Variants in PCBP2 observed in about 807,000 individuals in gnomAD.
The protein encoded by PCBP2 is poly(rC) binding protein 2, also known as poly(rC)-binding protein 2.
In PCBP2, 4 loss-of-function variants were observed where a neutral mutation model predicts 50.1. The ratio of observed to expected loss-of-function variants is 0.08; its 90% CI spans 0.04 to 0.18. The LOEUF is 0.18. Among genes scored for constraint, PCBP2 ranks in the 10% least tolerant of loss-of-function variants. The pLI is 1.00. For synonymous variants in PCBP2, 179 were observed against 168.0 expected (o/e 1.07, Z -0.51); for missense variants, 161 against 474.3 (o/e 0.34, Z 6.14).
intron 8 of PCBP2, among the ~76,000 whole-genome samples, chr12:53,462,829 G>A (rs938232309): frequency 2.0e-5 from 3 of 152,108 alleles, no homozygotes; most frequent in Non-Finnish European, 4.4e-5. Context: ...TTGACTTACT[G>A]TCTCTACTTC....
intron 1 of PCBP2, chr12:53,452,999 A>G (rs1940687412): frequency 6.6e-6 from 1 of 152,058 alleles, no homozygotes; most frequent in Non-Finnish European, 1.5e-5. Context: ...AAATTACAAA[A>G]TGCCTGCCGA....
At chr12:53,460,610 T>C (rs774934148) in intron 6 of PCBP2, 7 of 216,756 alleles carry the variant, frequency 3.2e-5, no homozygotes, top group Non-Finnish European at 5.8e-5. Context: ...TTAATTGCTA[T>C]ATTCGAAGCA....
chr12:53,460,663 A>AT (rs1941391025), intron 6 of PCBP2: 1 of 231,018 alleles, frequency 4.3e-6, no homozygotes. Flanking sequence ...TGATGTAAAT[A>AT]TTTTTTCAGT....
intron 6 of PCBP2, chr12:53,460,642 T>G (rs778519783): frequency 4.3e-6 from 1 of 230,808 alleles, no homozygotes; most frequent in Non-Finnish European, 8.8e-6. Flanking sequence ...ACCTGGCACA[T>G]AGAATGGCCT....
chr12:53,477,065 T>A (rs768397762), intron 14 of PCBP2, among the ~76,000 whole-genome samples: 1 of 152,172 alleles, frequency 6.6e-6, no homozygotes, highest in Admixed American at 6.5e-5. Context: ...TGTGGTCTTT[T>A]ATCCTAGAGT....
intron 10 of PCBP2, 57 bp from the exon 11 acceptor site, chr12:53,467,164 C>T (rs1454069809): frequency 4.4e-6 from 6 of 1,372,484 alleles, no homozygotes; most frequent in Non-Finnish European, 6.2e-6. Flanking sequence ...TTCGAATGTG[C>T]TTGAGCCCTG....
chr12:53,454,476 CTTGTT>C (rs1940840506), intron 1 of PCBP2: 1 of 265,072 alleles, frequency 3.8e-6, no homozygotes, highest in South Asian at 4.6e-5. Flanking sequence ...TTGAAAGAAC[CTTGTT>C]CATCCTGAGA....
At chr12:53,467,564 A>G (rs370694503) in intron 11 of PCBP2, 6 of 613,732 alleles carry the variant, frequency 9.8e-6, no homozygotes, top group African/African-American at 7.4e-5. Flanking sequence ...GTAGGCTGAT[A>G]TTTCTTTGAG....
intron 8 of PCBP2, among the ~76,000 whole-genome samples, 195 bp downstream of exon 8, chr12:53,462,762 G>T (rs1941537382): frequency 6.6e-6 from 1 of 152,136 alleles, no homozygotes; most frequent in Admixed American, 6.5e-5. Flanking sequence ...TGGAAGTTTT[G>T]TAGGCACTCG....
chr12:53,456,440 AGAGT>A (rs758463716), intron 5 of PCBP2, among the ~76,000 whole-genome samples: 1 of 151,952 alleles, frequency 6.6e-6, no homozygotes, highest in Non-Finnish European at 1.5e-5. Flanking sequence ...CCTGGGCAAC[AGAGT>A]GAGACTCTGT....
In PCBP2 at chr12:53,479,668, C is replaced by CGGGTTTTTTTTTTTTTTTT; in HGVS notation, c.*226_*227insGGGTTTTTTTTTTTTTTTT. ...CATATTTAGTTTTATAAGCTTCTCCCTGGTTTTTTTTTTTTGGCTCATGAA... is the reference window on the plus strand; with the variant it reads ...CATATTTAGTTTTATAAGCTTCTCCCGGGTTTTTTTTTTTTTTTTTGGTTTTTTTTTTTTGGCTCATGAA... On this transcript the variant is annotated 3_prime_UTR_variant, in exon 15 of 15. Transcript: ENST00000546463. The CGGGTTTTTTTTTTTTTTTT allele has an allele frequency of 7.4e-6, 1 of 135,738 alleles. No individual in the cohort carries two copies. The allele number at this position is 135,738 out of a possible 1,614,324, so 8.4% of individuals were successfully genotyped here.
intron 1 of PCBP2, 69 bp downstream of exon 1, chr12:53,452,445 C>T (rs937955470): frequency 2.0e-5 from 3 of 150,974 alleles, no homozygotes; most frequent in Non-Finnish European, 4.4e-5. Context: ...TCTTCTTAGC[C>T]GGCTCGGGTC....
chr12:53,458,526 T>G (rs1217004269), intron 5 of PCBP2, among the ~76,000 whole-genome samples: 1 of 151,578 alleles, frequency 6.6e-6, no homozygotes, highest in Non-Finnish European at 1.5e-5. Flanking sequence ...AGGCTGGTCT[T>G]GAACTGCTGA....
chr12:53,466,022 A>C, intron 10 of PCBP2, 49 bp downstream of exon 10: 2 of 1,538,362 alleles, frequency 1.3e-6, no homozygotes, highest in South Asian at 2.2e-5. Context: ...TCTCCCATCC[A>C]AAATTGTCTC....
At chr12:53,468,910 T>A in intron 13 of PCBP2, 78 bp downstream of exon 13, 1 of 900,112 alleles carries the variant, frequency 1.1e-6, no homozygotes, top group Non-Finnish European at 1.7e-6. Context: ...AGCAGTGTCC[T>A]GCTACCCTTT....
chr12:53,471,770 G>C lies in PCBP2; in HGVS notation c.1015G>C (p.Ala339Pro). ...GCAGGTTACCATCACTGGATCTGCT[G>C]CCAGCATTAGCCTGGCTCAATATCT... The part of the protein sequence containing the change: ...DRQVTITGSA[A>P]SISLAQYLIN... The change falls in exon 14 of 15, where the codon GCC (alanine) becomes CCC (proline). Residue 339 changes from alanine to proline, a missense_variant. Physicochemically the swap from Ala to Pro is conservative, Grantham distance 27. Transcript: ENST00000546463. The C allele has an allele frequency of 6.2e-7, 1 of 1,613,082 alleles. No individual in the cohort carries two copies. The highest frequency in any genetic ancestry group is 1.9e-4 in the Middle Eastern group (1 of 5,376).
At chr12:53,468,611 C>T (rs1447824962) in intron 12 of PCBP2, 166 bp from the exon 13 acceptor site, 5 of 619,626 alleles carry the variant, frequency 8.1e-6, no homozygotes, top group African/African-American at 5.6e-5. Context: ...ATTTCTACAC[C>T]CTTCTCCCCC....
chr12:53,466,025 A>G, intron 10 of PCBP2, 52 bp downstream of exon 10: 1 of 1,492,572 alleles, frequency 6.7e-7, no homozygotes, highest in Non-Finnish European at 9.4e-7. Flanking sequence ...CCCATCCAAA[A>G]TTGTCTCACT....
chr12:53,460,840 C>G (rs775680622), intron 6 of PCBP2, 175 bp from the exon 7 acceptor site: 33 of 585,834 alleles, frequency 5.6e-5, no homozygotes, highest in Non-Finnish European at 8.3e-5. Flanking sequence ...ATTTTTAACT[C>G]TAATTCACTA....
Sources: gnomAD v4.1 joint callset for allele counts (sites outside exome capture counted in the v4.1 genomes callset) on GRCh38, gnomAD v4.1.1 for gene constraint, MANE v1.5 for transcripts, NCBI Gene and HGNC (gene_info 2026-07-23, HGNC 2026-07-21) for gene names.